SALL3: variants seen among roughly 807,000 people sequenced by gnomAD.
SALL3 encodes the protein spalt like transcription factor 3, also known as sal-like protein 3.
Under a neutral mutation model 66.2 loss-of-function variants are expected in SALL3, and 25 were observed. The observed-to-expected ratio is 0.38, with a 90% CI of 0.28 to 0.53. The LOEUF (loss-of-function observed/expected upper bound fraction) is 0.53. SALL3 is among the 20% of genes least tolerant of loss of function. SALL3 has a pLI of 0.85. For synonymous variants in SALL3, 1,152 were observed against 899.1 expected, an observed-to-expected ratio of 1.28 and a Z score of -5.03; for missense variants, 2,194 against 1,916.5, an observed-to-expected ratio of 1.14 and a Z score of -2.70.
At chr18:78,982,239 G>A (rs181751244) in intron 1 of SALL3, among the ~76,000 whole-genome samples, 2 of 152,340 alleles carry the variant, frequency 1.3e-5, no homozygotes, top group Admixed American at 1.3e-4. Context: ...TTATTCACAA[G>A]TTCTACTTTG....
Position 78,980,197 on chromosome 18 carries a change from C to T in SALL3, c.-78C>T, listed in dbSNP as rs935234487. 11 of 653,322 alleles carry T rather than the reference C, an allele frequency of 1.7e-5. No homozygotes were observed. Among genetic ancestry groups the T allele is most frequent in the African/African-American group, 1.6e-4 (8 of 49,960 alleles). The allele number at this position is 653,322 out of a possible 1,614,324, so 40.5% of individuals were successfully genotyped here. On this transcript the variant is annotated 5_prime_UTR_variant, in exon 1 of 3. Transcript: ENST00000537592. ...CCCGCGCCCCGCGCCGCGCGCCCGCCAGGCCGCCCCGCGCCGTCCCCGCCG... is the reference window on the plus strand; with the variant it reads ...CCCGCGCCCCGCGCCGCGCGCCCGCTAGGCCGCCCCGCGCCGTCCCCGCCG...
In SALL3 at chr18:78,995,139, C is replaced by G. The variant is rs749306353; in HGVS notation, c.3148C>G (p.Pro1050Ala). ...NFALGPSQST[P>A]SLISSAAPTM... ...TGCTCTAGGTCCCAGCCAAAGCACT[C>G]CTAGCCTGATCTCCAGCGCCGCACC... Residue 1050 changes from proline to alanine, a missense_variant, in exon 2 of 3, where the codon CCT becomes GCT. By Grantham distance (27) the Pro-to-Ala change is conservative. Coordinates refer to ENST00000537592, the MANE Select transcript of SALL3 (RefSeq NM_171999.4). The G allele has an allele frequency of 2.5e-6, 4 of 1,613,740 alleles. No individual in the cohort carries two copies. The South Asian group carries it at 4.4e-5, about 18-fold the overall frequency.
intron 1 of SALL3, among the ~76,000 whole-genome samples, chr18:78,987,784 A>T (rs1914296918): frequency 6.6e-6 from 1 of 152,112 alleles, no homozygotes; most frequent in East Asian, 1.9e-4. Flanking sequence ...AGAAGGGAAG[A>T]GTGTTCGCTA....
intron 1 of SALL3, among the ~76,000 whole-genome samples, chr18:78,984,622 AT>A (rs1208738466): frequency 6.7e-6 from 1 of 149,516 alleles, no homozygotes; most frequent in African/African-American, 2.4e-5. Context: ...GTAAACTTTT[AT>A]TTAAAAAAAA....
At position 78,998,263 on chromosome 18, in the gene SALL3, TAGGG is replaced by T. The variant is rs1046297838; in HGVS notation, c.*945_*948del. On this transcript the variant is annotated 3_prime_UTR_variant, in exon 3 of 3. Coordinates refer to ENST00000537592, the MANE Select transcript of SALL3 (RefSeq NM_171999.4). ...CTATTGCACTTTTAGTATTTTGTAT[TAGGG>T]AGGTTTGTCTATAATTTGAAAATTT... The T allele has an allele frequency of 4.6e-5, 7 of 152,380 alleles. No individual in the cohort carries two copies. The East Asian group carries it at 1.2e-3, about 25-fold the overall frequency. 9.4% of individuals were successfully genotyped at this position (152,380 alleles called of 1,614,324 possible).
Position 78,997,402 on chromosome 18 carries a change from T to A in SALL3, c.*80T>A. Reference sequence around the variant, plus strand: ...AGGCCTCCGACCTTTCTTGCCTCGGTTCTCATTACACTTTCACCCATAGCA... The same window carrying A: ...AGGCCTCCGACCTTTCTTGCCTCGGATCTCATTACACTTTCACCCATAGCA... On this transcript the variant is annotated 3_prime_UTR_variant, in exon 3 of 3. Coordinates refer to ENST00000537592, the MANE Select transcript of SALL3 (RefSeq NM_171999.4). The A allele has an allele frequency of 7.2e-7, 1 of 1,398,340 alleles. No individual in the cohort carries two copies. Among genetic ancestry groups the A allele is most frequent in the Non-Finnish European group, 9.9e-7 (1 of 1,006,608 alleles). 86.6% of individuals were successfully genotyped at this position (1,398,340 alleles called of 1,614,324 possible).
chr18:78,979,843 C>T lies in SALL3; in HGVS notation c.-432C>T, dbSNP rs1163365975. 6.9e-6 allele frequency among the ~76,000 whole-genome samples: 1 copy of T among 144,612 alleles called. No individual in the cohort carries two copies. Among genetic ancestry groups the T allele is most frequent in the African/African-American group, 2.5e-5 (1 of 40,386 alleles). 94.9% of individuals were successfully genotyped at this position (144,612 alleles called of 152,430 possible). A position where few individuals can be genotyped will look rare whatever the true frequency, so the allele number is the denominator to read the frequency against. On this transcript the variant is annotated 5_prime_UTR_variant, in exon 1 of 3. Coordinates refer to ENST00000537592, the MANE Select transcript of SALL3 (RefSeq NM_171999.4). ...GGAGACGGCGCCGCGCGGACGCCGC[C>T]AAAGTTTGCTGCCTGCGCCCTGCGG...
chr18:78,983,517 G>GT (rs200061353), intron 1 of SALL3, among the ~76,000 whole-genome samples: 2,877 of 151,214 alleles, frequency 0.019, 46 homozygotes, highest in South Asian at 0.087. Context: ...TTCAAAGTGT[G>GT]TTTTTTTTTC....
chr18:78,983,309 A>G (rs1445151071), intron 1 of SALL3, among the ~76,000 whole-genome samples: 1 of 152,252 alleles, frequency 6.6e-6, no homozygotes, highest in African/African-American at 2.4e-5. Context: ...AGAAAAATTA[A>G]TTAAAACTTC....
intron 2 of SALL3, among the ~76,000 whole-genome samples, chr18:78,995,997 C>T (rs1308787822): frequency 4.6e-5 from 7 of 152,018 alleles, no homozygotes; most frequent in African/African-American, 1.7e-4. Context: ...GGCCTGAAGC[C>T]CTCTTGAATC....
intron 1 of SALL3, chr18:78,991,830 T>TG (rs1420082801): frequency 1.5e-5 from 6 of 413,682 alleles, no homozygotes; most frequent in Non-Finnish European, 2.5e-5. Context: ...TGGAAATCAA[T>TG]GGCTTCTATG....
At position 78,983,517 on chromosome 18, in the gene SALL3, G is replaced by GTT. The variant is rs200061353; in HGVS notation, c.82+3169_82+3170dup. Among the ~76,000 whole-genome samples the GTT allele has an allele frequency of 5.3e-5, 8 of 151,120 alleles. No homozygotes were observed. In the East Asian group the frequency reaches 5.8e-4, roughly 11 times the overall value. ...GTTAGCACTAATTGCTTCAAAGTGT[G>GTT]TTTTTTTTTCTGCCAACTTAGAAGT... On this transcript the variant is annotated intron_variant, in intron 1 of 2. Transcript: ENST00000537592.
Position 78,994,596 on chromosome 18 carries a change from T to G in SALL3, c.2605T>G (p.Ser869Ala). 1 of 1,609,080 alleles carries G rather than the reference T, an allele frequency of 6.2e-7. No homozygotes were observed. Among genetic ancestry groups the G allele is most frequent in the East Asian group, 2.2e-5 (1 of 44,654 alleles). The change falls in exon 2 of 3, where the codon TCC becomes GCC. Residue 869 changes from serine (S) to alanine (A), a missense_variant. Coordinates refer to ENST00000537592, the MANE Select transcript of SALL3 (RefSeq NM_171999.4). ...LTGLKSVENG[S>A]GESDRLSNDS... ...CGGCCTCAAGTCCGTGGAGAACGGG[T>G]CCGGGGAGAGTGACCGCCTGAGCAA...
intron 1 of SALL3, among the ~76,000 whole-genome samples, chr18:78,982,893 T>C (rs554242264): frequency 2.0e-4 from 30 of 152,290 alleles, no homozygotes; most frequent in African/African-American, 6.5e-4. Context: ...AGAACAAATA[T>C]TCTATGCAAA....
At chr18:78,980,502 G>C in intron 1 of SALL3, 146 bp downstream of exon 1, 1 of 432,826 alleles carries the variant, frequency 2.3e-6, no homozygotes, top group South Asian at 8.5e-5. Context: ...CCCGCGCCAG[G>C]CCGGCCGCGG....
At chr18:78,988,140 A>C (rs558216859) in intron 1 of SALL3, among the ~76,000 whole-genome samples, 1 of 152,248 alleles carries the variant, frequency 6.6e-6, no homozygotes, top group Non-Finnish European at 1.5e-5. Context: ...GAACATGCAT[A>C]CAGGCCAGTT....
chr18:78,996,279 C>T (rs1279770389), intron 2 of SALL3, among the ~76,000 whole-genome samples: 1 of 152,210 alleles, frequency 6.6e-6, no homozygotes. Flanking sequence ...TGGCTGCTTT[C>T]TGTCGTCTGT....
chr18:78,995,007 G>A lies in SALL3; in HGVS notation c.3016G>A (p.Val1006Ile), dbSNP rs754129942. The part of the protein sequence containing the change: ...YRSHTKERPF[V>I]CALCRRGCST... ...CAGCCATACTAAGGAGCGGCCATTC[G>A]TCTGCGCGCTCTGCAGGCGAGGGTG... Residue 1006 changes from valine (V) to isoleucine (I), a missense_variant, in exon 2 of 3, where the codon GTC (valine) becomes ATC (isoleucine). Transcript: ENST00000537592. 4 of 1,613,884 alleles carry A rather than the reference G, an allele frequency of 2.5e-6. No homozygotes were observed. The highest frequency in any genetic ancestry group is 1.7e-5 in the Admixed American group (1 of 60,032).
intron 1 of SALL3, among the ~76,000 whole-genome samples, chr18:78,987,860 C>T (rs1914299313): frequency 6.6e-6 from 1 of 152,198 alleles, no homozygotes; most frequent in Non-Finnish European, 1.5e-5. Context: ...CCCATTCCTG[C>T]CCATCCCCTG....
Sources: allele counts gnomAD v4.1 joint callset (sites outside exome capture counted in the v4.1 genomes callset), GRCh38; gene constraint gnomAD v4.1.1; transcripts MANE v1.5; gene names NCBI Gene and HGNC (gene_info 2026-07-23, HGNC 2026-07-21).